Variants in C5AR1 observed in about 807,000 individuals in gnomAD.
C5AR1 encodes the protein C5a anaphylatoxin chemotactic receptor 1.
Under a neutral mutation model 2.4 loss-of-function variants are expected in C5AR1, and 4 were observed. That is an observed-to-expected ratio of 1.65 (90% CI 0.81 to 3.77). The LOEUF is 3.77. C5AR1 is among the 30% of genes most tolerant of loss of function. C5AR1 has a pLI of 0.01. For missense variants in C5AR1, 418 were observed against 462.5 expected, an observed-to-expected ratio of 0.90 and a Z score of 0.88; for synonymous variants, 209 against 210.4, an observed-to-expected ratio of 0.99 and a Z score of 0.06.
chr19:47,309,231 T>G (rs2059262601), upstream of C5AR1, among the ~76,000 whole-genome samples: 1 of 152,090 alleles, frequency 6.6e-6, no homozygotes. Flanking sequence ...TTAAGCCAAC[T>G]GCATTCCTGA....
upstream of C5AR1, among the ~76,000 whole-genome samples, chr19:47,308,921 C>G (rs12609707): frequency 1.3e-5 from 2 of 151,956 alleles, no homozygotes; most frequent in South Asian, 2.1e-4. Context: ...ATTACAGGCA[C>G]CTGCCACCAC....
At chr19:47,315,519 G>A (rs2059284255) in intron 1 of C5AR1, among the ~76,000 whole-genome samples, 1 of 152,162 alleles carries the variant, frequency 6.6e-6, no homozygotes, top group South Asian at 2.1e-4. Context: ...GAGTCATTCT[G>A]CAGTCAAGGA....
At position 47,321,725 on chromosome 19, in the gene C5AR1, G is replaced by A. The variant is rs1442447293; in HGVS notation, c.*895G>A. 1 of 152,188 alleles carries A rather than the reference G, an allele frequency of 6.6e-6. No homozygotes were observed. Among genetic ancestry groups the A allele is most frequent in the Non-Finnish European group, 1.5e-5 (1 of 68,044 alleles). The allele number at this position is 152,188 out of a possible 1,614,324, so 9.4% of individuals were successfully genotyped here. A position where few individuals can be genotyped will look rare whatever the true frequency, so the allele number is the denominator to read the frequency against. On this transcript the variant is annotated 3_prime_UTR_variant, in exon 2 of 2. Coordinates refer to ENST00000355085, the MANE Select transcript of C5AR1 (RefSeq NM_001736.4). Reference sequence around the variant, plus strand: ...CATTGCAAACTCAACACAATTGTAAGTAATGATACAGAGGGATCTTGTGTA... The same window carrying A: ...CATTGCAAACTCAACACAATTGTAAATAATGATACAGAGGGATCTTGTGTA...
In C5AR1 at chr19:47,320,102, T is replaced by C. The variant is rs755024675; in HGVS notation, c.325T>C (p.Cys109Arg). The C allele has an allele frequency of 2.5e-6, 4 of 1,614,180 alleles. No homozygotes were observed. The highest frequency in any genetic ancestry group is 2.5e-6 in the Non-Finnish European group (3 of 1,180,038). Reference sequence around the variant, plus strand: ...CCACTGGCCCTTTGGCGGGGCCGCCTGCAGCATCCTGCCCTCCCTCATCCT... The same window carrying C: ...CCACTGGCCCTTTGGCGGGGCCGCCCGCAGCATCCTGCCCTCCCTCATCCT... ...HHHWPFGGAA[C>R]SILPSLILLN... Residue 109 changes from cysteine (C) to arginine (R), a missense_variant, in exon 2 of 2, where the codon TGC (cysteine) becomes CGC (arginine). By Grantham distance (180) the Cys-to-Arg change is radical (BLOSUM62 -3). Coordinates refer to ENST00000355085, the MANE Select transcript of C5AR1 (RefSeq NM_001736.4). This position sits in a 1 kb window ranked among gnomAD's most constrained non-coding sequence, Gnocchi z 4.9.
intron 1 of C5AR1, among the ~76,000 whole-genome samples, chr19:47,315,500 C>G (rs2059284192): frequency 1.3e-5 from 2 of 152,130 alleles, no homozygotes; most frequent in African/African-American, 4.8e-5. Flanking sequence ...GCTCCCCTTA[C>G]GAGGGTCTGA....
chr19:47,307,910 A>G (rs1050052968), upstream of C5AR1, among the ~76,000 whole-genome samples: 21 of 151,964 alleles, frequency 1.4e-4, no homozygotes, highest in Admixed American at 3.3e-4. Flanking sequence ...GCGGAATTAC[A>G]TTCTCATAAG....
chr19:47,313,203 C>T (rs955540605), intron 1 of C5AR1, among the ~76,000 whole-genome samples: 1 of 151,942 alleles, frequency 6.6e-6, no homozygotes, highest in East Asian at 2.0e-4. Context: ...GTCTCGAACT[C>T]CTGACCTCGT....
chr19:47,313,007 C>T (rs1186002368), intron 1 of C5AR1, among the ~76,000 whole-genome samples: 1 of 152,182 alleles, frequency 6.6e-6, no homozygotes, highest in East Asian at 1.9e-4. Flanking sequence ...CAGAGTCTCG[C>T]TCTGTCACCC....
chr19:47,310,005 G>C, intron 1 of C5AR1, 107 bp downstream of exon 1: 2 of 1,159,944 alleles, frequency 1.7e-6, no homozygotes, highest in Non-Finnish European at 1.3e-6. Flanking sequence ...AACTCTGTCT[G>C]TCTCTCCCTT....
chr19:47,312,103 T>A (rs1458151296), intron 1 of C5AR1, among the ~76,000 whole-genome samples: 1 of 152,164 alleles, frequency 6.6e-6, no homozygotes, highest in Non-Finnish European at 1.5e-5. Context: ...TTTTGTTTTT[T>A]GAGACAGTGT....
intron 1 of C5AR1, among the ~76,000 whole-genome samples, chr19:47,312,631 G>C (rs2059274448): frequency 1.3e-5 from 2 of 152,172 alleles, no homozygotes; most frequent in Non-Finnish European, 2.9e-5. Context: ...TTTATTGAGT[G>C]CTTACTGCAT....
chr19:47,314,509 T>C (rs562631564), intron 1 of C5AR1, among the ~76,000 whole-genome samples: 2 of 152,278 alleles, frequency 1.3e-5, no homozygotes, highest in African/African-American at 4.8e-5. Context: ...GTGATTCTTC[T>C]GCCTCAGCCT....
Position 47,320,677 on chromosome 19 carries a change from C to T in C5AR1, c.900C>T (p.Tyr300=), listed in dbSNP as rs140534066. The change falls in exon 2 of 2, where the codon TAC becomes TAT. Residue 300 remains tyrosine (Y), a synonymous_variant. Coordinates refer to ENST00000355085, the MANE Select transcript of C5AR1 (RefSeq NM_001736.4). The surrounding 1 kb of genome is among the most constrained non-coding windows in gnomAD (Gnocchi z 4.9). ...ACTGCTGCATCAACCCCATCATCTA[C>T]GTGGTGGCCGGCCAGGGCTTCCAGG... The part of the protein sequence containing the change: ...YINCCINPII[Y]VVAGQGFQGR... 9.2e-5 allele frequency: 148 copies of T among 1,614,044 alleles called. No individual in the cohort carries two copies. Among genetic ancestry groups the T allele is most frequent in the Non-Finnish European group, 1.1e-4 (131 of 1,180,040 alleles).
Position 47,320,472 on chromosome 19 carries a change from G to A in C5AR1, c.695G>A (p.Arg232His), listed in dbSNP as rs201394213. ...YTFILLRTWSRRATRSTKTLK... is the reference protein window; with the variant it reads ...YTFILLRTWSHRATRSTKTLK... ...TTCATCCTGCTCCGGACGTGGAGCC[G>A]CAGGGCCACGCGGTCCACCAAGACA... Residue 232 changes from arginine to histidine, a missense_variant, in exon 2 of 2, where the codon CGC (arginine) becomes CAC (histidine). Transcript: ENST00000355085. The surrounding 1 kb of genome is among the most constrained non-coding windows in gnomAD (Gnocchi z 4.9). 28 of 1,613,214 alleles carry A rather than the reference G, an allele frequency of 1.7e-5. No homozygotes were observed. The highest frequency in any genetic ancestry group is 2.2e-5 in the South Asian group (2 of 91,076).
chr19:47,314,292 AT>A (rs2122132991), intron 1 of C5AR1, among the ~76,000 whole-genome samples: 1 of 152,370 alleles, frequency 6.6e-6, no homozygotes, highest in East Asian at 1.9e-4. Context: ...GTGCCGGGCA[AT>A]TAGAACCCCC....
chr19:47,309,643 C>T (rs10404456), upstream of C5AR1, among the ~76,000 whole-genome samples: 98,551 of 151,138 alleles, frequency 0.65, 32,568 homozygotes, highest in Non-Finnish European at 0.72. Context: ...GGAGAGGGGC[C>T]GAGCCTGCAC....
At chr19:47,317,439 T>G (rs1244242113) in intron 1 of C5AR1, among the ~76,000 whole-genome samples, 1 of 146,486 alleles carries the variant, frequency 6.8e-6, no homozygotes, top group Admixed American at 7.0e-5. Context: ...GCCTGAGAAG[T>G]CAAGGCTGCA....
At position 47,320,324 on chromosome 19, in the gene C5AR1, C is replaced by T. The variant is rs1185079633; in HGVS notation, c.547C>T (p.Pro183Ser). The change falls in exon 2 of 2, where the codon CCA becomes TCA. Residue 183 changes from proline to serine, a missense_variant. By Grantham distance (74) the Pro-to-Ser change is moderately conservative. Coordinates refer to ENST00000355085, the MANE Select transcript of C5AR1 (RefSeq NM_001736.4). The surrounding 1 kb of genome is among the most constrained non-coding windows in gnomAD (Gnocchi z 4.9). Reference protein sequence around the residue: ...LYRVVREEYFPPKVLCGVDYS... With the variant: ...LYRVVREEYFSPKVLCGVDYS... ...CCGGGTGGTCCGGGAGGAGTACTTT[C>T]CACCAAAGGTGTTGTGTGGCGTGGA... 6.2e-7 allele frequency: 1 copy of T among 1,610,180 alleles called. No individual in the cohort carries two copies. The highest frequency in any genetic ancestry group is 8.5e-7 in the Non-Finnish European group (1 of 1,180,030).
intron 1 of C5AR1, among the ~76,000 whole-genome samples, chr19:47,313,598 G>T (rs1009066971): frequency 6.6e-6 from 1 of 151,970 alleles, no homozygotes; most frequent in Non-Finnish European, 1.5e-5. Context: ...AATAAAATTA[G>T]CCAGGCATGG....
Sources: gnomAD v4.1 joint callset for allele counts (sites outside exome capture counted in the v4.1 genomes callset) on GRCh38, gnomAD v4.1.1 for gene constraint, Gnocchi (gnomAD v3.1) non-coding constraint, MANE v1.5 for transcripts, NCBI Gene and HGNC (gene_info 2026-07-23, HGNC 2026-07-21) for gene names.